ACP3: variants seen among roughly 807,000 people sequenced by gnomAD.
ACP3 encodes prostatic acid phosphatase.
In ACP3, 38 loss-of-function variants were observed where a neutral mutation model predicts 45.6. The observed-to-expected ratio is 0.83, with a 90% CI of 0.64 to 1.09. The LOEUF (loss-of-function observed/expected upper bound fraction) is 1.09, where lower values mean the gene tolerates loss of function less well. ACP3 is among the 50% of genes least tolerant of loss of function. The pLI, the probability that ACP3 is intolerant of heterozygous loss-of-function variation, is 0.00. For synonymous variants in ACP3, 162 were observed against 164.7 expected (o/e 0.98, Z 0.13); for missense variants, 466 against 463.2 (o/e 1.01, Z -0.05).
chr3:132,328,327 T>A lies in ACP3; in HGVS notation c.181T>A (p.Ser61Thr), dbSNP rs753337865. ...CTTTCCCACTGACCCCATAAAGGAATCCTCATGGCCACAAGGATTTGGCCA... is the reference window on the plus strand; with the variant it reads ...CTTTCCCACTGACCCCATAAAGGAAACCTCATGGCCACAAGGATTTGGCCA... ...DTFPTDPIKE[S>T]SWPQGFGQLT... The change falls in exon 2 of 10, where the codon TCC becomes ACC. Residue 61 changes from serine (S) to threonine (T), a missense_variant. Physicochemically the swap from Ser to Thr is moderately conservative, Grantham distance 58. Coordinates refer to ENST00000336375, the MANE Select transcript of ACP3 (RefSeq NM_001099.5). 1 of 1,613,802 alleles carries A rather than the reference T, an allele frequency of 6.2e-7. No individual in the cohort carries two copies. Among genetic ancestry groups the A allele is most frequent in the Admixed American group, 1.7e-5 (1 of 60,028 alleles).
At position 132,344,912 on chromosome 3, in the gene ACP3, T is replaced by C. The variant is rs766999544; in HGVS notation, c.649-15T>C. ...TAAATACACATACATTTTTCTTCCTTTTTCTTTGCTACAGAGTGTTCACAA... is the reference window on the plus strand; with the variant it reads ...TAAATACACATACATTTTTCTTCCTCTTTCTTTGCTACAGAGTGTTCACAA... On this transcript the variant is annotated splice_polypyrimidine_tract_variant and intron_variant, in intron 6 of 9. Coordinates refer to ENST00000336375, the MANE Select transcript of ACP3 (RefSeq NM_001099.5). 6.2e-7 allele frequency: 1 copy of C among 1,611,956 alleles called. No individual in the cohort carries two copies. The highest frequency in any genetic ancestry group is 1.1e-5 in the South Asian group (1 of 90,794).
intron 1 of ACP3, among the ~76,000 whole-genome samples, chr3:132,322,780 G>T (rs948779105): frequency 1.3e-5 from 2 of 152,238 alleles, no homozygotes; most frequent in African/African-American, 4.8e-5. Context: ...TAATCCCAAT[G>T]TAACAGCCTT....
chr3:132,362,304 A>G (rs971661822), downstream of ACP3, among the ~76,000 whole-genome samples: 2 of 152,176 alleles, frequency 1.3e-5, no homozygotes, highest in Non-Finnish European at 2.9e-5. Flanking sequence ...TATTTCTACC[A>G]TATCATACTC....
At chr3:132,348,653 A>G (rs974701361) in intron 7 of ACP3, among the ~76,000 whole-genome samples, 7 of 152,180 alleles carry the variant, frequency 4.6e-5, no homozygotes, top group African/African-American at 1.7e-4. Flanking sequence ...ATGTGAATCA[A>G]GCTAAAGTCC....
At chr3:132,320,836 A>G (rs974674358) in intron 1 of ACP3, among the ~76,000 whole-genome samples, 2 of 152,036 alleles carry the variant, frequency 1.3e-5, no homozygotes, top group Non-Finnish European at 2.9e-5. Context: ...TTTTTAATAG[A>G]GACTGGGTTT....
chr3:132,336,725 A>G (rs1227779225), intron 4 of ACP3, among the ~76,000 whole-genome samples: 4 of 152,086 alleles, frequency 2.6e-5, no homozygotes, highest in Non-Finnish European at 5.9e-5. Context: ...TTAGCCTTGT[A>G]CATGTTAAAT....
chr3:132,346,148 G>A (rs1037040384), intron 7 of ACP3, among the ~76,000 whole-genome samples: 1 of 152,160 alleles, frequency 6.6e-6, no homozygotes, highest in Non-Finnish European at 1.5e-5. Context: ...GCATATTAGG[G>A]CTGGACCAGA....
intron 3 of ACP3, 80 bp from the exon 4 acceptor site, chr3:132,332,112 C>G: frequency 6.6e-7 from 1 of 1,517,498 alleles, no homozygotes; most frequent in Non-Finnish European, 9.1e-7. Context: ...CCTTTCCTTT[C>G]TCTAATACCT....
intron 7 of ACP3, among the ~76,000 whole-genome samples, chr3:132,348,999 T>TCACACACACACACACACA (rs3221158): frequency 7.2e-4 from 106 of 146,928 alleles, no homozygotes; most frequent in African/African-American, 7.5e-4. Context: ...TCATTACAAC[T>TCACACACACACACACACA]CACACACACA....
intron 4 of ACP3, among the ~76,000 whole-genome samples, chr3:132,336,088 G>A (rs963331395): frequency 4.6e-5 from 7 of 152,080 alleles, no homozygotes; most frequent in East Asian, 1.9e-4. Flanking sequence ...GTGAAACCCC[G>A]TCTCTACTAA....
At position 132,325,057 on chromosome 3, in the gene ACP3, T is replaced by C. The variant is rs1243371736; in HGVS notation, c.121-3210T>C. Among the ~76,000 whole-genome samples the C allele has an allele frequency of 2.6e-5, 4 of 152,250 alleles. No individual in the cohort carries two copies. In the East Asian group the frequency reaches 5.8e-4, roughly 22 times the overall value. On this transcript the variant is annotated intron_variant, in intron 1 of 9. Coordinates refer to ENST00000336375, the MANE Select transcript of ACP3 (RefSeq NM_001099.5). ...AAAGGATTTCATAGAGTATGATTGC[T>C]GGACTGAGCACAGAGGTAATAATTG...
At chr3:132,335,720 A>G (rs1056805758) in intron 4 of ACP3, among the ~76,000 whole-genome samples, 1 of 152,208 alleles carries the variant, frequency 6.6e-6, no homozygotes, top group Non-Finnish European at 1.5e-5. Flanking sequence ...AGTTTTAGGC[A>G]GAGCTCCTAA....
downstream of ACP3, among the ~76,000 whole-genome samples, chr3:132,363,809 C>A (rs1399515810): frequency 6.6e-6 from 1 of 152,106 alleles, no homozygotes; most frequent in Non-Finnish European, 1.5e-5. Flanking sequence ...TGGTGGCAGG[C>A]ACCTGTAGTC....
intron 2 of ACP3, among the ~76,000 whole-genome samples, chr3:132,328,684 A>G (rs12695577): frequency 1.1e-3 from 169 of 151,278 alleles, no homozygotes; most frequent in Non-Finnish European, 2.1e-3. Context: ...TATCTCAAAA[A>G]AAAAAAAAAA....
chr3:132,359,188 T>C (rs1371816739), downstream of ACP3, among the ~76,000 whole-genome samples: 1 of 152,154 alleles, frequency 6.6e-6, no homozygotes, highest in Non-Finnish European at 1.5e-5. Context: ...CAGGAAAGGC[T>C]TTCTGCAGAA....
intron 4 of ACP3, among the ~76,000 whole-genome samples, chr3:132,333,060 T>A (rs189540242): frequency 1.5e-4 from 23 of 152,176 alleles, no homozygotes; most frequent in East Asian, 1.9e-4. Context: ...CGTGGTTTTT[T>A]AAAAAAAATC....
At chr3:132,368,080 T>C in exon 11 of ACP3, 1 of 362,282 alleles carries the variant, frequency 2.8e-6, no homozygotes. Context: ...ATGCATAGGA[T>C]GGTTGTATTC....
In ACP3 at chr3:132,364,207, A is replaced by G. The variant is rs924299063; in HGVS notation, c.1139-3497A>G. 4.6e-5 allele frequency among the ~76,000 whole-genome samples: 7 copies of G among 152,030 alleles called. No individual in the cohort carries two copies. The South Asian group carries it at 1.5e-3, about 32-fold the overall frequency. ...AAAAATACAAAAAAATTAGCTGAGC[A>G]TGGTGGCATGCATCTGTGGTCCCAG... On this transcript the variant is annotated intron_variant, in intron 10 of 10. Coordinates refer to the ACP3 transcript ENST00000351273.
chr3:132,331,498 C>T (rs1461760870), intron 2 of ACP3, 149 bp from the exon 3 acceptor site: 1 of 608,862 alleles, frequency 1.6e-6, no homozygotes, highest in African/African-American at 1.9e-5. Flanking sequence ...TTTGTTTTCA[C>T]TTAAATATGT....
Sources: gnomAD v4.1 joint callset for allele counts (sites outside exome capture counted in the v4.1 genomes callset) on GRCh38, gnomAD v4.1.1 for gene constraint, MANE v1.5 for transcripts, NCBI Gene and HGNC (gene_info 2026-07-23, HGNC 2026-07-21) for gene names.